Variants in GPATCH2 observed in about 807,000 individuals in gnomAD.
GPATCH2 encodes G-patch domain containing 2, also known as G patch domain-containing protein 2.
GPATCH2 carries 51 observed loss-of-function variants against 58.0 expected under a neutral mutation model. The observed-to-expected ratio is 0.88, with a 90% CI of 0.70 to 1.11. The LOEUF (loss-of-function observed/expected upper bound fraction) is 1.11, where lower values mean the gene tolerates loss of function less well. Ranked by LOEUF, GPATCH2 falls within the 50% of genes most tolerant of loss-of-function variation. The pLI is 0.00. For missense variants in GPATCH2, 625 were observed against 652.2 expected (o/e 0.96, Z 0.45); for synonymous variants, 222 against 218.5 (o/e 1.02, Z -0.14).
At position 217,526,187 on chromosome 1, in the gene GPATCH2, A is replaced by C. The variant is rs1663897258; in HGVS notation, c.1099-11298T>G. On this transcript the variant is annotated intron_variant, in intron 5 of 9. Coordinates refer to ENST00000366935, the MANE Select transcript of GPATCH2 (RefSeq NM_018040.5). Reference sequence around the variant, plus strand: ...TCTAAGAATCTCAAGGACCAATAGTAATTTATAAGAAAAATGCTGATAGTC... The same window carrying C: ...TCTAAGAATCTCAAGGACCAATAGTCATTTATAAGAAAAATGCTGATAGTC... Among the ~76,000 whole-genome samples the C allele has an allele frequency of 2.0e-5, 3 of 152,354 alleles. No homozygotes were observed. In the South Asian group the frequency reaches 6.2e-4, roughly 32 times the overall value.
intron 9 of GPATCH2, among the ~76,000 whole-genome samples, chr1:217,433,384 ATTTATT>A (rs1406868137): frequency 1.5e-3 from 46 of 30,314 alleles, no homozygotes; most frequent in Middle Eastern, 0.022. Context: ...ATATATATAT[ATTTATT>A]TATTTATTTA....
intron 9 of GPATCH2, among the ~76,000 whole-genome samples, chr1:217,438,689 A>G (rs1202056511): frequency 1.3e-5 from 2 of 152,198 alleles, no homozygotes; most frequent in Non-Finnish European, 2.9e-5. Flanking sequence ...AAAGGAATGA[A>G]CAAACCTCCA....
At position 217,516,006 on chromosome 1, in the gene GPATCH2, T is replaced by C. The variant is rs574781643; in HGVS notation, c.1099-1117A>G. On this transcript the variant is annotated intron_variant, in intron 5 of 9. Coordinates refer to ENST00000366935, the MANE Select transcript of GPATCH2 (RefSeq NM_018040.5). ...ATCTGTGTATTTACACAGTACAAAA[T>C]GCAATTTCATCTAAGAGAAAAATAT... Among the ~76,000 whole-genome samples, 102 of 152,010 alleles carry C rather than the reference T, an allele frequency of 6.7e-4. No homozygotes were observed. In the South Asian group the frequency reaches 0.01, roughly 15 times the overall value.
chr1:217,543,269 GTT>G (rs397860651), intron 5 of GPATCH2, among the ~76,000 whole-genome samples: 8 of 105,692 alleles, frequency 7.6e-5, no homozygotes, highest in South Asian at 3.4e-4. Context: ...TGATGCGAAC[GTT>G]TTTTTTTTTT....
chr1:217,509,962 T>A (rs1662765523), intron 6 of GPATCH2, among the ~76,000 whole-genome samples: 1 of 152,232 alleles, frequency 6.6e-6, no homozygotes, highest in Non-Finnish European at 1.5e-5. Context: ...AATGATTCCT[T>A]AAAGTAGGTT....
chr1:217,620,011 G>A lies in GPATCH2; in HGVS notation c.545C>T (p.Thr182Ile). The A allele has an allele frequency of 6.2e-7, 1 of 1,613,886 alleles. No homozygotes were observed. Among genetic ancestry groups the A allele is most frequent in the South Asian group, 1.1e-5 (1 of 91,076 alleles). ...ATCTCTACAACCCTCAGGTGGCTGGGTCATTGTCCGTTTGTTAGAGATGTC... is the reference window on the plus strand; with the variant it reads ...ATCTCTACAACCCTCAGGTGGCTGGATCATTGTCCGTTTGTTAGAGATGTC... ...PQDISNKRTM[T>I]QPPEGCRDQD... Residue 182 changes from threonine (T) to isoleucine (I), a missense_variant, in exon 2 of 10, where the codon ACC (threonine) becomes ATC (isoleucine). By Grantham distance (89) the Thr-to-Ile change is moderately conservative (BLOSUM62 -1). Transcript: ENST00000366935.
At chr1:217,543,553 G>A (rs1664869048) in intron 5 of GPATCH2, among the ~76,000 whole-genome samples, 2 of 152,098 alleles carry the variant, frequency 1.3e-5, no homozygotes, top group Non-Finnish European at 2.9e-5. Context: ...ACAGGCGTGA[G>A]CCACCACACC....
chr1:217,553,980 A>G (rs1326604210), intron 5 of GPATCH2, among the ~76,000 whole-genome samples: 1 of 152,172 alleles, frequency 6.6e-6, no homozygotes, highest in Non-Finnish European at 1.5e-5. Flanking sequence ...CTAGTGAACA[A>G]GCAAAAAAAA....
chr1:217,621,780 C>T (rs1669200988), intron 1 of GPATCH2, among the ~76,000 whole-genome samples: 1 of 152,178 alleles, frequency 6.6e-6, no homozygotes, highest in Non-Finnish European at 1.5e-5. Context: ...TTTTAATAAC[C>T]TAAAAACAAC....
At chr1:217,432,202 G>A (rs905939690) in intron 9 of GPATCH2, among the ~76,000 whole-genome samples, 9 of 151,796 alleles carry the variant, frequency 5.9e-5, no homozygotes, top group Admixed American at 4.6e-4. Context: ...TGAAAAAGGA[G>A]ATTGGTTAGT....
intron 5 of GPATCH2, among the ~76,000 whole-genome samples, chr1:217,551,541 T>C (rs1571904609): frequency 6.6e-6 from 1 of 152,144 alleles, no homozygotes; most frequent in East Asian, 1.9e-4. Context: ...CCAAGACTGC[T>C]AGTCTTCTCT....
At chr1:217,567,080 CTT>C (rs1666283296) in intron 5 of GPATCH2, among the ~76,000 whole-genome samples, 1 of 127,958 alleles carries the variant, frequency 7.8e-6, no homozygotes, top group African/African-American at 2.8e-5. Flanking sequence ...GAGTTTTGCT[CTT>C]GTTGCCCAGG....
chr1:217,610,101 G>T, intron 5 of GPATCH2: 1 of 1,534,702 alleles, frequency 6.5e-7, no homozygotes, highest in Non-Finnish European at 8.8e-7. Context: ...AGGTTCCCTC[G>T]AATGTCATTC....
At chr1:217,534,754 G>T (rs1664383744) in intron 5 of GPATCH2, among the ~76,000 whole-genome samples, 1 of 152,126 alleles carries the variant, frequency 6.6e-6, no homozygotes, top group South Asian at 2.1e-4. Flanking sequence ...CATACAGTTG[G>T]ATAGGGTACA....
At chr1:217,519,658 C>T (rs888622444) in intron 5 of GPATCH2, among the ~76,000 whole-genome samples, 1 of 152,180 alleles carries the variant, frequency 6.6e-6, no homozygotes, top group Non-Finnish European at 1.5e-5. Context: ...CTATGGCTTA[C>T]ACTGAAAGTA....
intron 5 of GPATCH2, among the ~76,000 whole-genome samples, chr1:217,586,561 G>A (rs991742984): frequency 6.6e-6 from 1 of 152,134 alleles, no homozygotes. Context: ...AATACCTTTC[G>A]AAGGACCTGT....
chr1:217,620,718 A>C (rs1196232588), intron 1 of GPATCH2, among the ~76,000 whole-genome samples: 3 of 152,172 alleles, frequency 2.0e-5, no homozygotes, highest in African/African-American at 7.2e-5. Context: ...ATTACTTCCA[A>C]GATAGAATAA....
At chr1:217,503,972 G>A (rs1662428936) in intron 6 of GPATCH2, among the ~76,000 whole-genome samples, 1 of 152,218 alleles carries the variant, frequency 6.6e-6, no homozygotes, top group Non-Finnish European at 1.5e-5. Context: ...TAAGAGGTTT[G>A]CCAAAGACTT....
intron 7 of GPATCH2, among the ~76,000 whole-genome samples, chr1:217,495,228 AAG>A (rs1322354281): frequency 1.4e-4 from 21 of 152,304 alleles, no homozygotes; most frequent in African/African-American, 5.1e-4. Context: ...AAAAGGAACT[AAG>A]AGTTTCTGTG....
Sources: gnomAD v4.1 joint callset for allele counts (sites outside exome capture counted in the v4.1 genomes callset) on GRCh38, gnomAD v4.1.1 for gene constraint, MANE v1.5 for transcripts, NCBI Gene and HGNC (gene_info 2026-07-23, HGNC 2026-07-21) for gene names.